The following SRGAP2 variants were observed in gnomAD, a reference collection of about 807,000 sequenced individuals.
SRGAP2 encodes SLIT-ROBO Rho GTPase activating protein 2.
SRGAP2 carries 15 observed loss-of-function variants against 57.2 expected under a neutral mutation model. That is an observed-to-expected ratio of 0.26 (90% CI 0.18 to 0.40). The LOEUF is 0.40. Among genes scored for constraint, SRGAP2 ranks in the 10% least tolerant of loss-of-function variants. The pLI is 1.00. For synonymous variants in SRGAP2, 249 were observed against 248.0 expected, an observed-to-expected ratio of 1.00 and a Z score of -0.04; for missense variants, 520 against 669.6, an observed-to-expected ratio of 0.78 and a Z score of 2.47.
chr1:206,389,144 G>C (rs1255041452), intron 5 of SRGAP2, among the ~76,000 whole-genome samples: 1 of 149,410 alleles, frequency 6.7e-6, no homozygotes, highest in African/African-American at 2.5e-5. Flanking sequence ...GGATCTTGGG[G>C]CCTCACTGTT....
In SRGAP2 at chr1:206,461,429, A is replaced by G. The variant is rs781788927; in HGVS notation, c.*9A>G. The stretch of plus-strand genomic sequence containing the variant: ...AGTCTTGTACTGTCTGAGGGATAAT[A>G]ATTTAATTGTTCTAGACAAGGGGAC... On this transcript the variant is annotated 3_prime_UTR_variant, in exon 23 of 23. Coordinates refer to ENST00000573034, the MANE Select transcript of SRGAP2 (RefSeq NM_015326.5). The G allele has an allele frequency of 1.3e-6, 1 of 744,078 alleles. No homozygotes were observed. The highest frequency in any genetic ancestry group is 1.4e-5 in the South Asian group (1 of 70,740). The allele number at this position is 744,078 out of a possible 1,614,324, so 46.1% of individuals were successfully genotyped here.
chr1:206,229,927 T>TACACACAC (rs1293699335), intron 2 of SRGAP2, among the ~76,000 whole-genome samples: 2 of 113,390 alleles, frequency 1.8e-5, no homozygotes, highest in South Asian at 2.9e-4. Flanking sequence ...TATGTACACA[T>TACACACAC]ACATACACAC....
At chr1:206,312,914 A>G (rs1279750459) in intron 3 of SRGAP2, among the ~76,000 whole-genome samples, 4 of 149,096 alleles carry the variant, frequency 2.7e-5, no homozygotes, top group South Asian at 4.2e-4. Flanking sequence ...CTGTGTTAAT[A>G]TGGCCCAGCA....
intron 3 of SRGAP2, among the ~76,000 whole-genome samples, chr1:206,341,362 G>A (rs1226807269): frequency 1.3e-5 from 2 of 152,158 alleles, no homozygotes; most frequent in East Asian, 1.9e-4. Flanking sequence ...GACAGTACTC[G>A]CTTTGCAGTT....
intron 7 of SRGAP2, among the ~76,000 whole-genome samples, chr1:206,396,995 A>G (rs1553353707): frequency 6.6e-6 from 1 of 152,128 alleles, no homozygotes; most frequent in Non-Finnish European, 1.5e-5. Flanking sequence ...AAGAGTTTTG[A>G]CAAATTTGTA....
At chr1:206,441,279 G>A (rs937705337) in intron 17 of SRGAP2, among the ~76,000 whole-genome samples, 1 of 152,214 alleles carries the variant, frequency 6.6e-6, no homozygotes, top group South Asian at 2.1e-4. Context: ...GAGAAACCAG[G>A]AGTGGAGCTG....
chr1:206,459,567 T>G (rs1664098855), intron 22 of SRGAP2, among the ~76,000 whole-genome samples: 1 of 152,044 alleles, frequency 6.6e-6, no homozygotes, highest in Admixed American at 6.6e-5. Flanking sequence ...TGACTCTCTG[T>G]TTTCCATGAA....
intron 2 of SRGAP2, among the ~76,000 whole-genome samples, chr1:206,253,739 G>A (rs1669000638): frequency 6.7e-6 from 1 of 150,186 alleles, no homozygotes; most frequent in Admixed American, 6.6e-5. Context: ...CCGCCACCAG[G>A]CCCGGCTAAT....
chr1:206,421,684 G>A (rs1312281611), intron 13 of SRGAP2, among the ~76,000 whole-genome samples: 4 of 152,184 alleles, frequency 2.6e-5, no homozygotes, highest in Non-Finnish European at 4.4e-5. Context: ...GATTTTGTTT[G>A]ATTGTTTCCG....
intron 4 of SRGAP2, among the ~76,000 whole-genome samples, chr1:206,381,052 C>G (rs1222955374): frequency 6.6e-6 from 1 of 152,222 alleles, no homozygotes; most frequent in Non-Finnish European, 1.5e-5. Flanking sequence ...AGTCCCAGCC[C>G]AACCCTCAGC....
intron 4 of SRGAP2, among the ~76,000 whole-genome samples, chr1:206,372,871 G>A (rs1553346957): frequency 1.4e-3 from 96 of 66,736 alleles, no homozygotes; most frequent in Non-Finnish European, 2.1e-3. Flanking sequence ...AATCAGGCCA[G>A]GTAGATTCCT....
At position 206,461,307 on chromosome 1, in the gene SRGAP2, A is replaced by C; in HGVS notation, c.3103A>C (p.Lys1035Gln). The C allele has an allele frequency of 3.8e-6, 3 of 780,940 alleles. No individual in the cohort carries two copies. Among genetic ancestry groups the C allele is most frequent in the Non-Finnish European group, 7.2e-6 (3 of 417,992 alleles). The allele number at this position is 780,940 out of a possible 1,614,324, so 48.4% of individuals were successfully genotyped here. A position where few individuals can be genotyped will look rare whatever the true frequency, so the allele number is the denominator to read the frequency against. Reference sequence around the variant, plus strand: ...GTCTGTCAAGATGGCTGCCCCGGTCAAACCACCAGCCACACGGCCCAAGCC... The same window carrying C: ...GTCTGTCAAGATGGCTGCCCCGGTCCAACCACCAGCCACACGGCCCAAGCC... ...VKSVKMAAPVKPPATRPKPTV... is the reference protein window; with the variant it reads ...VKSVKMAAPVQPPATRPKPTV... The change falls in exon 23 of 23, where the codon AAA becomes CAA. Residue 1035 changes from lysine (K) to glutamine (Q), a missense_variant. Around this residue, in one of 5 missense-constraint regions of SRGAP2, gnomAD observed 478 missense variants for 373.6 expected, o/e 1.28. Transcript: ENST00000573034.
chr1:206,244,835 T>G (rs1553309886), intron 2 of SRGAP2, among the ~76,000 whole-genome samples: 1 of 151,624 alleles, frequency 6.6e-6, no homozygotes, highest in Non-Finnish European at 1.5e-5. Context: ...TTAAGATTGG[T>G]GCATGGAAGC....
rs1275274041 is a variant in SRGAP2, at chr1:206,253,091, G to A, written c.67+47054G>A. On this transcript the variant is annotated intron_variant, in intron 2 of 22. Coordinates refer to ENST00000573034, the MANE Select transcript of SRGAP2 (RefSeq NM_015326.5). ...AGCTGGTTACTTGAGTGGTGGTTAC[G>A]GAGGGGCTGTTCTGGGGCTGCTCTG... Among the ~76,000 whole-genome samples the A allele has an allele frequency of 1.6e-4, 22 of 140,248 alleles. 2 individuals are homozygous for A. Among genetic ancestry groups the A allele is most frequent in the Non-Finnish European group, 2.4e-4 (16 of 65,358 alleles). 92.0% of individuals were successfully genotyped at this position (140,248 alleles called of 152,430 possible).
chr1:206,291,996 G>A (rs1237589999), intron 2 of SRGAP2, among the ~76,000 whole-genome samples: 2 of 150,142 alleles, frequency 1.3e-5, no homozygotes, highest in African/African-American at 2.5e-5. Context: ...ATAAATTAGA[G>A]GGAGAGGCAA....
intron 13 of SRGAP2, among the ~76,000 whole-genome samples, chr1:206,427,714 C>G (rs782023029): frequency 2.0e-5 from 3 of 152,200 alleles, no homozygotes; most frequent in Non-Finnish European, 2.9e-5. Context: ...TGGTCTCTGT[C>G]CTGAACATCT....
At chr1:206,389,261 A>T (rs1478543071) in intron 5 of SRGAP2, among the ~76,000 whole-genome samples, 1 of 124,452 alleles carries the variant, frequency 8.0e-6, no homozygotes, top group African/African-American at 3.2e-5. Context: ...TGCAAGCTCC[A>T]CCTCCCAGGT....
chr1:206,385,704 G>C, intron 5 of SRGAP2, among the ~76,000 whole-genome samples: 1 of 151,994 alleles, frequency 6.6e-6, no homozygotes, highest in Non-Finnish European at 1.5e-5. Context: ...GTTTGAGTGA[G>C]GAAGAAAACC....
chr1:206,368,901 T>C (rs1266462180), intron 4 of SRGAP2, among the ~76,000 whole-genome samples: 1 of 150,314 alleles, frequency 6.7e-6, no homozygotes, highest in African/African-American at 2.4e-5. Context: ...TCATAGAGAC[T>C]GAAGCCTGGA....
Sources: allele counts gnomAD v4.1 joint callset (sites outside exome capture counted in the v4.1 genomes callset), GRCh38; gene constraint gnomAD v4.1.1; regional missense constraint gnomAD v4.1.1; transcripts MANE v1.5; gene names NCBI Gene and HGNC (gene_info 2026-07-23, HGNC 2026-07-21).